ZNF516: variants seen among roughly 807,000 people sequenced by gnomAD.
ZNF516 encodes zinc finger protein 516.
A neutral mutation model predicts 79.7 loss-of-function variants in ZNF516; 19 were observed. The observed-to-expected ratio is 0.24, with a 90% CI of 0.17 to 0.35. ZNF516 has a LOEUF of 0.35. ZNF516 is among the 10% of genes least tolerant of loss of function. The pLI is 1.00. For synonymous variants in ZNF516, 877 were observed against 739.5 expected, an observed-to-expected ratio of 1.19 and a Z score of -3.02; for missense variants, 1,678 against 1,679.5, an observed-to-expected ratio of 1.00 and a Z score of 0.02.
chr18:76,489,682 G>A (rs148135242), intron 1 of ZNF516, among the ~76,000 whole-genome samples: 3 of 151,820 alleles, frequency 2.0e-5, no homozygotes, highest in African/African-American at 4.8e-5. Context: ...GTTGTTTACA[G>A]ATAACAATGG....
chr18:76,366,190 T>C (rs1054070573), intron 6 of ZNF516, among the ~76,000 whole-genome samples: 2 of 152,244 alleles, frequency 1.3e-5, no homozygotes, highest in African/African-American at 4.8e-5. Context: ...TTCTAACCTA[T>C]GGTGAATTTA....
chr18:76,473,801 C>T (rs1407343063), intron 1 of ZNF516, among the ~76,000 whole-genome samples: 1 of 101,578 alleles, frequency 9.8e-6, no homozygotes, highest in Non-Finnish European at 2.0e-5. Flanking sequence ...ACTCCATCTC[C>T]AAAAAAAAAA....
At chr18:76,401,738 T>TCCACCACCAACCACACCCCCGCGCCGCAC (rs2072810175) in intron 3 of ZNF516, among the ~76,000 whole-genome samples, 1 of 12,702 alleles carries the variant, frequency 7.9e-5, no homozygotes, top group Non-Finnish European at 1.7e-4. Context: ...CCGCGCCGCA[T>TCCACCACCAACCACACCCCCGCGCCGCAC]CTCTCCACCA....
intron 3 of ZNF516, among the ~76,000 whole-genome samples, chr18:76,429,389 T>A (rs1174838003): frequency 6.6e-6 from 1 of 152,076 alleles, no homozygotes; most frequent in Non-Finnish European, 1.5e-5. Context: ...AGCCGTGGCC[T>A]CCAGATGCAG....
At chr18:76,408,814 C>T (rs1443779153) in intron 3 of ZNF516, among the ~76,000 whole-genome samples, 2 of 152,180 alleles carry the variant, frequency 1.3e-5, no homozygotes, top group Non-Finnish European at 2.9e-5. Context: ...AAACATTTTC[C>T]TATGAAATAC....
intron 3 of ZNF516, among the ~76,000 whole-genome samples, chr18:76,399,010 G>A (rs1328894745): frequency 1.3e-5 from 2 of 152,088 alleles, no homozygotes; most frequent in African/African-American, 4.8e-5. Context: ...TAACACAAGC[G>A]GTCTCTGTCC....
intron 1 of ZNF516, among the ~76,000 whole-genome samples, chr18:76,486,032 A>AC (rs1413097458): frequency 2.3e-4 from 35 of 151,906 alleles, no homozygotes; most frequent in Non-Finnish European, 4.7e-4. Flanking sequence ...CTTATTTGTG[A>AC]CCCCCAGAAG....
chr18:76,492,623 GTTCCATCA>G (rs1915299923), intron 1 of ZNF516: 7 of 701,984 alleles, frequency 1.0e-5, no homozygotes, highest in Non-Finnish European at 1.2e-5. Context: ...GGGCGAGTGG[GTTCCATCA>G]TCACCTGAAC....
At chr18:76,366,943 A>C (rs1290344975) in intron 6 of ZNF516, among the ~76,000 whole-genome samples, 1 of 152,228 alleles carries the variant, frequency 6.6e-6, no homozygotes, top group Non-Finnish European at 1.5e-5. Flanking sequence ...TCAGAGTAGA[A>C]CTGGCTGACC....
chr18:76,487,857 T>C, intron 1 of ZNF516: 2 of 857,842 alleles, frequency 2.3e-6, no homozygotes, highest in Non-Finnish European at 2.8e-6. Flanking sequence ...ATTCCCGTAA[T>C]AGGCTGCTGC....
intron 3 of ZNF516, among the ~76,000 whole-genome samples, chr18:76,405,533 G>A (rs1568265512): frequency 6.6e-6 from 1 of 152,136 alleles, no homozygotes; most frequent in Non-Finnish European, 1.5e-5. Flanking sequence ...GCGGCGTGGA[G>A]CTTGAAGGGC....
rs1374815495 is a variant in ZNF516 at position 76,451,639 on chromosome 18, G to A, written c.-157-8428C>T. ...TACTACGGGGTCGGCGCAGAAGCCCGTGCGTGTGCTGAGTGGGTGCAAGGC... is the reference window on the plus strand; with the variant it reads ...TACTACGGGGTCGGCGCAGAAGCCCATGCGTGTGCTGAGTGGGTGCAAGGC... On this transcript the variant is annotated intron_variant, in intron 2 of 6. Transcript: ENST00000443185. This position sits in a 1 kb window ranked among gnomAD's most constrained non-coding sequence, Gnocchi z 6.0. 1.3e-5 allele frequency among the ~76,000 whole-genome samples: 2 copies of A among 152,200 alleles called. No individual in the cohort carries two copies. The highest frequency in any genetic ancestry group is 2.1e-4 in the South Asian group (1 of 4,830).
At chr18:76,427,570 T>C (rs777819534) in intron 3 of ZNF516, among the ~76,000 whole-genome samples, 1 of 152,178 alleles carries the variant, frequency 6.6e-6, no homozygotes, top group Non-Finnish European at 1.5e-5. Context: ...ATTGAATCAA[T>C]GAGAATAGTT....
chr18:76,427,729 A>G (rs2075614116), intron 3 of ZNF516, among the ~76,000 whole-genome samples: 1 of 152,244 alleles, frequency 6.6e-6, no homozygotes, highest in Non-Finnish European at 1.5e-5. Flanking sequence ...CATGAGAATC[A>G]AATCCACGAT....
intron 2 of ZNF516, among the ~76,000 whole-genome samples, chr18:76,457,355 A>G (rs1210363401): frequency 6.6e-6 from 1 of 152,212 alleles, no homozygotes; most frequent in Non-Finnish European, 1.5e-5. Flanking sequence ...TAGTTCTTAA[A>G]TCCCTTAAGG....
At chr18:76,366,546 A>G (rs1278092659) in intron 6 of ZNF516, among the ~76,000 whole-genome samples, 2 of 152,248 alleles carry the variant, frequency 1.3e-5, no homozygotes, top group East Asian at 3.8e-4. Context: ...ACAAGACACC[A>G]AGTAAAGAAA....
At chr18:76,476,733 C>T (rs561462340) in intron 1 of ZNF516, among the ~76,000 whole-genome samples, 2 of 152,308 alleles carry the variant, frequency 1.3e-5, no homozygotes, top group East Asian at 3.9e-4. Context: ...ATGTTTTAAT[C>T]AGAACACCTT....
intron 2 of ZNF516, among the ~76,000 whole-genome samples, chr18:76,458,045 C>T (rs9961326): frequency 0.067 from 10,126 of 152,216 alleles, 344 homozygotes; most frequent in African/African-American, 0.088. Context: ...ACACATCAGG[C>T]GCACCATGGT....
rs1274343806 is a variant in ZNF516 at position 76,359,751 on chromosome 18, G to T, written c.*2747C>A. ...CCTGTTAAGAAACAAGGAAACAGCAGATCGGGAGAGGTAGTAGAAAGTCTG... is the reference window on the plus strand; with the variant it reads ...CCTGTTAAGAAACAAGGAAACAGCATATCGGGAGAGGTAGTAGAAAGTCTG... On this transcript the variant is annotated 3_prime_UTR_variant, in exon 7 of 7. Transcript: ENST00000443185. The T allele has an allele frequency of 6.6e-6, 1 of 152,094 alleles. No individual in the cohort carries two copies. The highest frequency in any genetic ancestry group is 2.4e-5 in the African/African-American group (1 of 41,402). The allele number at this position is 152,094 out of a possible 1,614,324, so 9.4% of individuals were successfully genotyped here.
Sources: gnomAD v4.1 joint callset for allele counts (sites outside exome capture counted in the v4.1 genomes callset) on GRCh38, gnomAD v4.1.1 for gene constraint, Gnocchi (gnomAD v3.1) non-coding constraint, MANE v1.5 for transcripts, NCBI Gene and HGNC (gene_info 2026-07-23, HGNC 2026-07-21) for gene names.